Variants in UGCG observed in about 807,000 individuals in gnomAD.
UGCG encodes ceramide glucosyltransferase.
Under a neutral mutation model 49.5 loss-of-function variants are expected in UGCG, and 10 were observed. The observed-to-expected ratio is 0.20, with a 90% CI of 0.12 to 0.34. The LOEUF is 0.34. UGCG is among the 10% of genes least tolerant of loss of function. The pLI is 1.00. For synonymous variants in UGCG, 182 were observed against 158.2 expected (o/e 1.15, Z -1.13); for missense variants, 312 against 483.7 (o/e 0.65, Z 3.33).
chr9:111,900,640 A>G (rs1258686165), intron 1 of UGCG, among the ~76,000 whole-genome samples: 1 of 152,062 alleles, frequency 6.6e-6, no homozygotes, highest in Non-Finnish European at 1.5e-5. Flanking sequence ...AGTAGCTGGG[A>G]CTACAGGCAT....
At chr9:111,911,460 C>T (rs1837992848) in intron 1 of UGCG, among the ~76,000 whole-genome samples, 1 of 152,050 alleles carries the variant, frequency 6.6e-6, no homozygotes, top group Non-Finnish European at 1.5e-5. Flanking sequence ...CTTGTATATG[C>T]ATTTTTAAAA....
intron 8 of UGCG, 37 bp from the exon 9 acceptor site, chr9:111,932,790 G>A (rs1449683539): frequency 6.0e-6 from 9 of 1,502,664 alleles, no homozygotes; most frequent in South Asian, 1.4e-5. Flanking sequence ...TAGTTTGACA[G>A]TGAGTGAAAT....
chr9:111,921,535 C>A (rs1838221064), intron 2 of UGCG, among the ~76,000 whole-genome samples: 1 of 151,696 alleles, frequency 6.6e-6, no homozygotes, highest in Admixed American at 6.6e-5. Context: ...GTCCCAGCTA[C>A]TCCTGTTTGG....
At position 111,926,861 on chromosome 9, in the gene UGCG, C is replaced by CTTTTTT. The variant is rs56298523; in HGVS notation, c.558+389_558+394dup. ...GAACCGCTGGCCCCCTCCCCCCAGC[C>CTTTTTT]TTTTTTTTTTTTTTTTTTTTTTTTT... On this transcript the variant is annotated intron_variant, in intron 5 of 8. Transcript: ENST00000374279. Among the ~76,000 whole-genome samples the CTTTTTT allele has an allele frequency of 1.3e-3, 73 of 56,876 alleles. 13 individuals are homozygous for CTTTTTT. Among genetic ancestry groups the CTTTTTT allele is most frequent in the Middle Eastern group, 0.013 (1 of 76 alleles). The allele number at this position is 56,876 out of a possible 152,430, so 37.3% of individuals were successfully genotyped here. A position where few individuals can be genotyped will look rare whatever the true frequency, so the allele number is the denominator to read the frequency against.
chr9:111,898,259 C>A (rs1837703083), intron 1 of UGCG, among the ~76,000 whole-genome samples: 1 of 151,996 alleles, frequency 6.6e-6, no homozygotes, highest in African/African-American at 2.4e-5. Flanking sequence ...GAGCACATTA[C>A]TGATATCGAT....
chr9:111,899,116 A>T (rs1837720425), intron 1 of UGCG, among the ~76,000 whole-genome samples: 1 of 152,154 alleles, frequency 6.6e-6, no homozygotes. Context: ...TTACTGATGG[A>T]TGTTTAGGTT....
At position 111,928,245 on chromosome 9, in the gene UGCG, C is replaced by A. The variant is rs987702775; in HGVS notation, c.559-1255C>A. Among the ~76,000 whole-genome samples, 3 of 152,180 alleles carry A rather than the reference C, an allele frequency of 2.0e-5. No individual in the cohort carries two copies. The East Asian group carries it at 5.8e-4, about 29-fold the overall frequency. On this transcript the variant is annotated intron_variant, in intron 5 of 8. Coordinates refer to ENST00000374279, the MANE Select transcript of UGCG (RefSeq NM_003358.3). ...GGCTGTAAATATATTTGTCCTACTG[C>A]AAGAAATTGTTAGTCTTAAATACCA...
chr9:111,924,142 G>C (rs2118577978), intron 3 of UGCG, among the ~76,000 whole-genome samples: 1 of 152,218 alleles, frequency 6.6e-6, no homozygotes, highest in East Asian at 1.9e-4. Flanking sequence ...CTGTATTTAT[G>C]AATTTATACT....
chr9:111,911,909 T>C (rs1471579552), intron 1 of UGCG, among the ~76,000 whole-genome samples: 1 of 3,860 alleles, frequency 2.6e-4, no homozygotes, highest in Non-Finnish European at 7.1e-4. Flanking sequence ...CAACAGGATA[T>C]ATATATATAT....
Position 111,924,836 on chromosome 9 carries a change from G to T in UGCG, c.403G>T (p.Ala135Ser). ...TAATTTAATGCCAGGATATGAAGTT[G>T]CAAAGTATGATCTTATATGGATTTG... Reference protein sequence around the residue: ...INNLMPGYEVAKYDLIWICDS... With the variant: ...INNLMPGYEVSKYDLIWICDS... Residue 135 changes from alanine (A) to serine (S), a missense_variant, in exon 4 of 9, where the codon GCA (alanine) becomes TCA (serine). Around this residue, in one of 4 missense-constraint regions of UGCG, gnomAD observed 64 missense variants for 67.6 expected, o/e 0.95. Transcript: ENST00000374279. The T allele has an allele frequency of 6.5e-7, 1 of 1,541,590 alleles. No individual in the cohort carries two copies. The highest frequency in any genetic ancestry group is 8.7e-7 in the Non-Finnish European group (1 of 1,151,182).
At chr9:111,921,870 G>A (rs1838228765) in intron 2 of UGCG, among the ~76,000 whole-genome samples, 1 of 128,360 alleles carries the variant, frequency 7.8e-6, no homozygotes, top group African/African-American at 3.0e-5. Flanking sequence ...AAATGTAGTG[G>A]CGCAGTCTTC....
rs555634956 is a variant in UGCG, at chr9:111,923,394, G to A, written c.343+443G>A. On this transcript the variant is annotated intron_variant, in intron 3 of 8. Coordinates refer to ENST00000374279, the MANE Select transcript of UGCG (RefSeq NM_003358.3). ...TTTTTTTTAACATAGAGCTGATGTG[G>A]TCTCTCTAAAAAACCAGTAAGTCGT... Among the ~76,000 whole-genome samples, 47 of 151,318 alleles carry A rather than the reference G, an allele frequency of 3.1e-4. 1 individual carries two copies. Among genetic ancestry groups the A allele is most frequent in the Admixed American group, 3.9e-4 (6 of 15,218 alleles).
chr9:111,903,625 T>C (rs1373976126), intron 1 of UGCG, among the ~76,000 whole-genome samples: 4 of 152,180 alleles, frequency 2.6e-5, no homozygotes, highest in Admixed American at 6.5e-5. Context: ...AGATAGGGTC[T>C]CGCTCTGTTA....
intron 5 of UGCG, among the ~76,000 whole-genome samples, chr9:111,926,930 T>A (rs2594347): frequency 8.2e-6 from 1 of 121,340 alleles, no homozygotes; most frequent in South Asian, 3.0e-4. Flanking sequence ...TGGAGTGCAG[T>A]GGCACGATCT....
chr9:111,927,816 A>C (rs1589529137), intron 5 of UGCG, among the ~76,000 whole-genome samples: 1 of 149,730 alleles, frequency 6.7e-6, no homozygotes, highest in South Asian at 2.1e-4. Context: ...TATTTCCCCC[A>C]CCACCCCCTT....
chr9:111,914,927 G>T, intron 2 of UGCG, 181 bp downstream of exon 2: 1 of 838,806 alleles, frequency 1.2e-6, no homozygotes, highest in Non-Finnish European at 1.7e-6. Context: ...TGAGGAAGGG[G>T]TGTAAATTCC....
At position 111,932,822 on chromosome 9, in the gene UGCG, C is replaced by T; in HGVS notation, c.1015-5C>T. 1 of 1,560,108 alleles carries T rather than the reference C, an allele frequency of 6.4e-7. No individual in the cohort carries two copies. Among genetic ancestry groups the T allele is most frequent in the Admixed American group, 2.0e-5 (1 of 51,046 alleles). On this transcript the variant is annotated splice_polypyrimidine_tract_variant and splice_region_variant and intron_variant, in intron 8 of 8. Coordinates refer to ENST00000374279, the MANE Select transcript of UGCG (RefSeq NM_003358.3). The stretch of plus-strand genomic sequence containing the variant: ...AAATTAAAAAATTTTTTTTTCCATT[C>T]CTAGGGTGGCACACTGTGTTTTTCA...
intron 7 of UGCG, 200 bp from the exon 8 acceptor site, chr9:111,931,970 A>G (rs1838433598): frequency 3.4e-6 from 2 of 581,596 alleles, no homozygotes; most frequent in Non-Finnish European, 6.0e-6. Context: ...TTGAAGCTAC[A>G]GTGAGTGCCA....
rs1838077651 is a variant in UGCG at position 111,914,602 on chromosome 9, T to C, written c.99-3T>C. ...AATAATTTTTATATCATTTGCTTTT[T>C]AGCCGATTACACCTCAACAAGAAGG... On this transcript the variant is annotated splice_polypyrimidine_tract_variant and splice_region_variant and intron_variant, in intron 1 of 8. Transcript: ENST00000374279. The C allele has an allele frequency of 6.2e-7, 1 of 1,612,534 alleles. No homozygotes were observed. The highest frequency in any genetic ancestry group is 8.5e-7 in the Non-Finnish European group (1 of 1,179,582).
Sources: allele counts gnomAD v4.1 joint callset (sites outside exome capture counted in the v4.1 genomes callset), GRCh38; gene constraint gnomAD v4.1.1; regional missense constraint gnomAD v4.1.1; transcripts MANE v1.5; gene names NCBI Gene and HGNC (gene_info 2026-07-23, HGNC 2026-07-21).